Variants in HYPK observed in about 807,000 individuals in gnomAD.
HYPK encodes the protein huntingtin interacting protein K.
A neutral mutation model predicts 13.9 loss-of-function variants in HYPK; 9 were observed. The ratio of observed to expected loss-of-function variants is 0.65; its 90% CI spans 0.39 to 1.13. The LOEUF is 1.13. Among genes scored for constraint, HYPK ranks in the 50% most tolerant of loss-of-function variants. HYPK has a pLI of 0.01. For missense variants in HYPK, 138 were observed against 157.6 expected (o/e 0.88, Z 0.67); for synonymous variants, 76 against 57.0 (o/e 1.33, Z -1.50).
rs1376765184 is a variant in HYPK, at chr15:43,803,926, G to A, written c.*2120G>A. Among the ~76,000 whole-genome samples the A allele has an allele frequency of 1.3e-5, 2 of 151,786 alleles. No homozygotes were observed. Among genetic ancestry groups the A allele is most frequent in the East Asian group, 1.9e-4 (1 of 5,168 alleles). On this transcript the variant is annotated 3_prime_UTR_variant, in exon 4 of 4. Coordinates refer to ENST00000442995, the MANE Select transcript of HYPK (RefSeq NM_016400.4). ...TCTCAGCACTTTGGGAGGCTGAGGC[G>A]GGCGGATCGCGAAGTGAAGATCAAG...
intron 2 of HYPK, 38 bp downstream of exon 2, chr15:43,801,225 C>G (rs1462739872): frequency 6.5e-7 from 1 of 1,533,106 alleles, no homozygotes; most frequent in Non-Finnish European, 9.0e-7. Flanking sequence ...ACAGTTCTTC[C>G]CTCCCCGGTC....
At position 43,801,726 on chromosome 15, in the gene HYPK, A is replaced by G. The variant is rs750957050; in HGVS notation, c.286A>G (p.Ile96Val). The G allele has an allele frequency of 4.3e-6, 7 of 1,614,086 alleles. No individual in the cohort carries two copies. Among genetic ancestry groups the G allele is most frequent in the Admixed American group, 3.3e-5 (2 of 60,004 alleles). The change falls in exon 4 of 4, where the codon ATA becomes GTA. Residue 96 changes from isoleucine to valine, a missense_variant. Around this residue, in one of 3 missense-constraint regions of HYPK, gnomAD observed 91 missense variants for 96.8 expected, o/e 0.94. Coordinates refer to ENST00000442995, the MANE Select transcript of HYPK (RefSeq NM_016400.4). ...DLELIMTEME[I>V]SRAAAERSLR... Reference sequence around the variant, plus strand: ...TTTTCTGCAGATGACTGAGATGGAGATATCTCGAGCAGCAGCAGAACGCAG... The same window carrying G: ...TTTTCTGCAGATGACTGAGATGGAGGTATCTCGAGCAGCAGCAGAACGCAG...
chr15:43,801,464 G>A (rs982642952), intron 2 of HYPK, 54 bp from the exon 3 acceptor site: 2 of 1,451,550 alleles, frequency 1.4e-6, no homozygotes, highest in East Asian at 2.3e-5. Flanking sequence ...CCCTTCCTGG[G>A]AGTTTATGGT....
At chr15:43,800,485 C>T (rs200959259), upstream of HYPK, 497 of 1,190,620 alleles carry the variant, frequency 4.2e-4, 1 homozygote, top group Admixed American at 8.5e-4. Flanking sequence ...AACCGCCTTC[C>T]TCCCTGAAGC....
At chr15:43,801,406 C>A in intron 2 of HYPK, 112 bp from the exon 3 acceptor site, 1 of 1,013,764 alleles carries the variant, frequency 9.9e-7, no homozygotes. Flanking sequence ...TTTTTATTTT[C>A]AATCAAGGGT....
rs2087325572 is a variant in HYPK at position 43,802,201 on chromosome 15, T to A, written c.*395T>A. The A allele has an allele frequency of 5.8e-6, 1 of 170,978 alleles. No homozygotes were observed. Among genetic ancestry groups the A allele is most frequent in the Non-Finnish European group, 1.3e-5 (1 of 78,314 alleles). The allele number at this position is 170,978 out of a possible 1,614,324, so 10.6% of individuals were successfully genotyped here. ...TATATATATAGATAGATGTAGGTTA[T>A]GAACCCAGTTCATAGGCCACCTTGA... On this transcript the variant is annotated 3_prime_UTR_variant, in exon 4 of 4. Coordinates refer to ENST00000442995, the MANE Select transcript of HYPK (RefSeq NM_016400.4).
rs756660138 is a variant in HYPK at position 43,801,533 on chromosome 15, A to T, written c.234A>T (p.Ala78=). 1.9e-6 allele frequency: 3 copies of T among 1,613,968 alleles called. No individual in the cohort carries two copies. The change falls in exon 3 of 4, where the codon GCA becomes GCT. Residue 78 remains alanine (A), a synonymous_variant. Transcript: ENST00000442995. The stretch of plus-strand genomic sequence containing the variant: ...ATTTTTGCAGGGAGAAAGAACTGGC[A>T]AAAGTCACTATCAAGAAGGAAGATC... ...KAKQEREKEL[A]KVTIKKEDLE... is the part of the protein sequence containing the mutation.
rs1272288467 is a variant in HYPK, at chr15:43,802,518, CACTACTGT to C, written c.*724_*731del. 2 of 137,026 alleles carry C rather than the reference CACTACTGT, an allele frequency of 1.5e-5. No homozygotes were observed. Among genetic ancestry groups the C allele is most frequent in the Non-Finnish European group, 3.0e-5 (2 of 65,578 alleles). The allele number at this position is 137,026 out of a possible 1,614,324, so 8.5% of individuals were successfully genotyped here. ...CAGAGGTTGCAGTGAGCTGAGATCA[CACTACTGT>C]ACTACTGTACTCCAGCCTGGGGGAA... On this transcript the variant is annotated 3_prime_UTR_variant, in exon 4 of 4. Coordinates refer to ENST00000442995, the MANE Select transcript of HYPK (RefSeq NM_016400.4).
At chr15:43,800,581 C>T (rs114182390), upstream of HYPK, 1,941 of 1,612,584 alleles carry the variant, frequency 1.2e-3, 21 homozygotes, top group African/African-American at 0.019. Flanking sequence ...TGCCGGAAGT[C>T]GGCGTGAGGT....
chr15:43,800,929 A>C (rs1596051179), intron 1 of HYPK, 145 bp downstream of exon 1: 2 of 941,648 alleles, frequency 2.1e-6, no homozygotes, highest in Admixed American at 2.6e-5. Flanking sequence ...AACAGCGGTC[A>C]CCGGAGCGCG....
chr15:43,801,456 C>T, intron 2 of HYPK, 62 bp from the exon 3 acceptor site: 2 of 1,411,726 alleles, frequency 1.4e-6, no homozygotes, highest in East Asian at 4.6e-5. Flanking sequence ...GGGAATGACC[C>T]TTCCTGGGAG....
chr15:43,803,788 CAAA>C lies in HYPK; in HGVS notation c.*2000_*2002del, dbSNP rs35814039. On this transcript the variant is annotated 3_prime_UTR_variant, in exon 4 of 4. Transcript: ENST00000442995. ...GGGCAACAAGAGTGAAACTCCATCT[CAAA>C]AAAAAAAAAAAAAAAAATCAGCTTG... Among the ~76,000 whole-genome samples the C allele has an allele frequency of 1.4e-4, 14 of 102,322 alleles. No individual in the cohort carries two copies. Among genetic ancestry groups the C allele is most frequent in the Non-Finnish European group, 1.2e-4 (6 of 50,018 alleles). The allele number at this position is 102,322 out of a possible 152,430, so 67.1% of individuals were successfully genotyped here.
rs1234777518 is a variant in HYPK at position 43,802,481 on chromosome 15, G to C, written c.*675G>C. 1 of 144,624 alleles carries C rather than the reference G, an allele frequency of 6.9e-6. No homozygotes were observed. Among genetic ancestry groups the C allele is most frequent in the Non-Finnish European group, 1.5e-5 (1 of 66,924 alleles). The allele number at this position is 144,624 out of a possible 1,614,324, so 9.0% of individuals were successfully genotyped here. A position where few individuals can be genotyped will look rare whatever the true frequency, so the allele number is the denominator to read the frequency against. On this transcript the variant is annotated 3_prime_UTR_variant, in exon 4 of 4. Coordinates refer to ENST00000442995, the MANE Select transcript of HYPK (RefSeq NM_016400.4). ...CTGGAGGCTGAGGCAGGAATCGCTT[G>C]AAATTGGAAAGCAGAGGTTGCAGTG...
chr15:43,800,529 A>AGGGCC (rs1345837498), upstream of HYPK: 1 of 1,534,702 alleles, frequency 6.5e-7, no homozygotes, highest in Admixed American at 1.9e-5. Flanking sequence ...GGTGTGGCCC[A>AGGGCC]GGGCCAGCCC....
chr15:43,801,173 AG>A lies in HYPK; in HGVS notation c.205del (p.Ala69ProfsTer21), dbSNP rs1159739071. The A allele has an allele frequency of 6.2e-7, 1 of 1,613,964 alleles. No homozygotes were observed. The highest frequency in any genetic ancestry group is 8.5e-7 in the Non-Finnish European group (1 of 1,179,980). ...GAGACAGAAGGTCCCGGGAGCAGAA[AG>A]CCAAACAGGAGCGGTAAGTCTTCAG... ...IGDRRSREQKAKQEREKELAK... is the reference protein window; with the variant it reads ...IGDRRSREQKXKQEREKELAK... On this transcript the variant is annotated frameshift_variant, in exon 2 of 4. Transcript: ENST00000442995. LOFTEE classifies it high-confidence loss of function.
Position 43,801,216 on chromosome 15 carries a change from C to T in HYPK, c.218+29C>T, listed in dbSNP as rs199782987. ...AGTCTTCAGGGGCAGCCAACTTTAA[C>T]AGTTCTTCCCTCCCCGGTCCCCAGA... On this transcript the variant is annotated intron_variant, in intron 2 of 3. Transcript: ENST00000442995. 4.2e-4 allele frequency: 657 copies of T among 1,581,406 alleles called. 2 individuals carry two copies. In the African/African-American group the frequency reaches 5.8e-3, roughly 14 times the overall value.
rs558394738 is a variant in HYPK at position 43,803,760 on chromosome 15, A to T, written c.*1954A>T. ...CAGAGATCGCGCCACTGCACTCCAG[A>T]CTGGGCAACAAGAGTGAAACTCCAT... On this transcript the variant is annotated 3_prime_UTR_variant, in exon 4 of 4. Coordinates refer to ENST00000442995, the MANE Select transcript of HYPK (RefSeq NM_016400.4). Among the ~76,000 whole-genome samples the T allele has an allele frequency of 6.8e-6, 1 of 146,494 alleles. No homozygotes were observed. Among genetic ancestry groups the T allele is most frequent in the East Asian group, 2.0e-4 (1 of 4,918 alleles).
At chr15:43,801,274 C>T (rs1443556000) in intron 2 of HYPK, 87 bp downstream of exon 2, 5 of 1,198,006 alleles carry the variant, frequency 4.2e-6, no homozygotes, top group East Asian at 4.7e-5. Flanking sequence ...GCCTTTATAC[C>T]GTTCTTCAAA....
chr15:43,800,448 C>T (rs753779636), upstream of HYPK: 1 of 876,574 alleles, frequency 1.1e-6, no homozygotes, highest in Non-Finnish European at 1.9e-6. Context: ...AAACACTGTA[C>T]AAACCCGAAA....
Sources: gnomAD v4.1 joint callset for allele counts (sites outside exome capture counted in the v4.1 genomes callset) on GRCh38, gnomAD v4.1.1 for gene constraint, gnomAD v4.1.1 regional missense constraint, MANE v1.5 for transcripts, NCBI Gene and HGNC (gene_info 2026-07-23, HGNC 2026-07-21) for gene names.